The following DIPK1C variants were observed in gnomAD, a reference collection of about 807,000 sequenced individuals.
The protein encoded by DIPK1C is divergent protein kinase domain 1C, also known as familial non-conventional Alzheimer's dementia.
Under a neutral mutation model 28.0 loss-of-function variants are expected in DIPK1C, and 33 were observed. The observed-to-expected ratio is 1.18, with a 90% CI of 0.89 to 1.58. The LOEUF (loss-of-function observed/expected upper bound fraction) is 1.58. Ranked by LOEUF, DIPK1C falls within the 40% of genes most tolerant of loss-of-function variation. The pLI is 0.00. For missense variants in DIPK1C, 569 were observed against 568.5 expected (o/e 1.00, Z -0.01); for synonymous variants, 255 against 248.8 (o/e 1.02, Z -0.23).
chr18:74,442,224 C>A, intron 2 of DIPK1C, 108 bp from the exon 3 acceptor site: 2 of 1,301,156 alleles, frequency 1.5e-6, no homozygotes, highest in Non-Finnish European at 1.1e-6. Context: ...CTGTCCAGGT[C>A]ACAGGTGATC....
chr18:74,461,490 A>G (rs111903209), upstream of DIPK1C, among the ~76,000 whole-genome samples: 3 of 148,870 alleles, frequency 2.0e-5, no homozygotes, highest in African/African-American at 4.9e-5. Flanking sequence ...GTGGCCTCCA[A>G]CTCCTGGGTT....
chr18:74,440,759 G>A (rs1986104262), intron 3 of DIPK1C, among the ~76,000 whole-genome samples: 1 of 152,204 alleles, frequency 6.6e-6, no homozygotes, highest in South Asian at 2.1e-4. Flanking sequence ...TTCCCATTTT[G>A]AGGGTTGGGA....
At chr18:74,464,315 A>G in the DIPK1C span, among the ~76,000 whole-genome samples, 3 of 152,236 alleles carry the variant, frequency 2.0e-5, no homozygotes, top group Non-Finnish European at 4.4e-5. Flanking sequence ...GAAAGCCAGG[A>G]AAATCCTTGG....
upstream of DIPK1C, chr18:74,457,755 C>G: frequency 7.2e-6 from 1 of 139,556 alleles, no homozygotes; most frequent in South Asian, 2.6e-4. Flanking sequence ...ACTAGAACCG[C>G]CCCCCTCTGA....
In DIPK1C at chr18:74,443,288, A is replaced by G. The variant is rs576907270; in HGVS notation, c.877-1172T>C. 2.0e-5 allele frequency among the ~76,000 whole-genome samples: 3 copies of G among 152,350 alleles called. No individual in the cohort carries two copies. In the East Asian group the frequency reaches 5.8e-4, roughly 29 times the overall value. On this transcript the variant is annotated intron_variant, in intron 2 of 3. Coordinates refer to ENST00000343998, the MANE Select transcript of DIPK1C (RefSeq NM_001044369.3). ...GAGCTCAAACCTGAGAAAACCTGGAATCTGCCCAAATCAAGCCGTTTATAG... is the reference window on the plus strand; with the variant it reads ...GAGCTCAAACCTGAGAAAACCTGGAGTCTGCCCAAATCAAGCCGTTTATAG...
intron 1 of DIPK1C, among the ~76,000 whole-genome samples, chr18:74,451,340 C>T (rs956176301): frequency 6.1e-4 from 93 of 152,146 alleles, no homozygotes; most frequent in Non-Finnish European, 7.1e-4. Context: ...GCTTCCTACC[C>T]GGCCTGGCCA....
chr18:74,436,625 A>G lies in DIPK1C; in HGVS notation c.1136T>C (p.Val379Ala). The change falls in exon 4 of 4, where the codon GTG becomes GCG. Residue 379 changes from valine (V) to alanine (A), a missense_variant. Coordinates refer to ENST00000343998, the MANE Select transcript of DIPK1C (RefSeq NM_001044369.3). ...GACCCCAGGGTCTGCACATTCCTGC[A>G]CCGCCTCCTGTAACTGCAGCTGAAG... ...FQLQLQLQEA[V>A]QECADPGVPS... is the part of the protein sequence containing the mutation. 2 of 1,613,684 alleles carry G rather than the reference A, an allele frequency of 1.2e-6. No homozygotes were observed. Among genetic ancestry groups the G allele is most frequent in the Non-Finnish European group, 1.7e-6 (2 of 1,180,016 alleles).
chr18:74,459,972 A>G (rs528590528), upstream of DIPK1C, among the ~76,000 whole-genome samples: 32 of 152,324 alleles, frequency 2.1e-4, no homozygotes, highest in Non-Finnish European at 4.1e-4. Context: ...CAGGCAGCCC[A>G]GGCCCCAACA....
At chr18:74,454,851 A>G (rs1986471242) in intron 1 of DIPK1C, among the ~76,000 whole-genome samples, 1 of 98,858 alleles carries the variant, frequency 1.0e-5, no homozygotes, top group Non-Finnish European at 2.3e-5. Flanking sequence ...CAACACATCC[A>G]GGATGAAAAC....
chr18:74,456,189 G>C (rs1007591248), intron 1 of DIPK1C, among the ~76,000 whole-genome samples: 1 of 152,244 alleles, frequency 6.6e-6, no homozygotes, highest in Non-Finnish European at 1.5e-5. Flanking sequence ...CTGGGATTTA[G>C]GGGACTCCCA....
At chr18:74,439,208 AT>A (rs1213617154) in intron 3 of DIPK1C, among the ~76,000 whole-genome samples, 2 of 151,742 alleles carry the variant, frequency 1.3e-5, no homozygotes, top group African/African-American at 4.8e-5. Context: ...CTAGAATAAT[AT>A]TTGAAACTCT....
upstream of DIPK1C, among the ~76,000 whole-genome samples, chr18:74,462,059 A>G (rs2144539691): frequency 6.6e-6 from 1 of 152,342 alleles, no homozygotes; most frequent in East Asian, 1.9e-4. Flanking sequence ...ATGGTGCCTG[A>G]CTACTATCAT....
At chr18:74,461,336 C>T (rs1245689068), upstream of DIPK1C, among the ~76,000 whole-genome samples, 65 of 138,434 alleles carry the variant, frequency 4.7e-4, no homozygotes, top group African/African-American at 1.8e-3. Context: ...CTTTTCCTTC[C>T]TTCCTTCTTT....
chr18:74,436,773 C>G lies in DIPK1C; in HGVS notation c.1042-54G>C, dbSNP rs949768863. On this transcript the variant is annotated intron_variant, in intron 3 of 3. Transcript: ENST00000343998. ...TTAGGGCAGCAAATCCTCCTAAAAG[C>G]TTCCCAAGCCCAGGATTGGTTCTGA... The G allele has an allele frequency of 3.4e-6, 5 of 1,481,502 alleles. No homozygotes were observed. In the African/African-American group the frequency reaches 7.0e-5, roughly 21 times the overall value. The allele number at this position is 1,481,502 out of a possible 1,614,324, so 91.8% of individuals were successfully genotyped here.
upstream of DIPK1C, chr18:74,457,371 G>A (rs958853944): frequency 4.6e-5 from 37 of 799,740 alleles, no homozygotes; most frequent in African/African-American, 7.5e-5. Flanking sequence ...ACGGGGGAGG[G>A]GCCGCGCGAG....
intron 1 of DIPK1C, among the ~76,000 whole-genome samples, chr18:74,450,790 G>A (rs1454939842): frequency 6.6e-6 from 1 of 152,242 alleles, no homozygotes; most frequent in Non-Finnish European, 1.5e-5. Flanking sequence ...CGGAGTTCAC[G>A]GAGCAGAGGG....
chr18:74,457,057 C>A lies in DIPK1C; in HGVS notation c.198+5G>T. On this transcript the variant is annotated splice_donor_5th_base_variant and intron_variant, in intron 1 of 3. Transcript: ENST00000343998. ...GGCGCGGGGCAGAGCGGCGGCGGGA[C>A]CTACCAGCGCGGCCAGGATGCGCCG... 1 of 1,448,948 alleles carries A rather than the reference C, an allele frequency of 6.9e-7. No individual in the cohort carries two copies. Among genetic ancestry groups the A allele is most frequent in the South Asian group, 1.4e-5 (1 of 73,274 alleles). The allele number at this position is 1,448,948 out of a possible 1,614,324, so 89.8% of individuals were successfully genotyped here.
intron 1 of DIPK1C, among the ~76,000 whole-genome samples, chr18:74,451,365 C>T (rs910182460): frequency 2.6e-5 from 4 of 152,162 alleles, no homozygotes; most frequent in South Asian, 2.1e-4. Context: ...AACCTTTGCC[C>T]GGAAGCCAGT....
At chr18:74,456,920 G>T in intron 1 of DIPK1C, 142 bp downstream of exon 1, 1 of 902,890 alleles carries the variant, frequency 1.1e-6, no homozygotes. Context: ...TGCGCCTCTG[G>T]CACTCCACGC....
Sources: allele counts gnomAD v4.1 joint callset (sites outside exome capture counted in the v4.1 genomes callset), GRCh38; gene constraint gnomAD v4.1.1; transcripts MANE v1.5; gene names NCBI Gene and HGNC (gene_info 2026-07-23, HGNC 2026-07-21).